NMNAT2: variants seen among roughly 807,000 people sequenced by gnomAD.
NMNAT2 encodes the protein nicotinamide nucleotide adenylyltransferase 2, also known as nicotinamide/nicotinic acid mononucleotide adenylyltransferase 2.
In NMNAT2, 11 loss-of-function variants were observed where a neutral mutation model predicts 41.6. That is an observed-to-expected ratio of 0.26 (90% confidence interval 0.17 to 0.44). The LOEUF (loss-of-function observed/expected upper bound fraction) is 0.44, where lower values mean the gene tolerates loss of function less well. Among genes scored for constraint, NMNAT2 ranks in the 20% least tolerant of loss-of-function variants. NMNAT2 has a pLI of 1.00. For synonymous variants in NMNAT2, 148 were observed against 151.2 expected (o/e 0.98, Z 0.16); for missense variants, 288 against 407.7 (o/e 0.71, Z 2.53).
intron 1 of NMNAT2, among the ~76,000 whole-genome samples, chr1:183,320,003 T>G (rs917676951): frequency 6.6e-6 from 1 of 152,236 alleles, no homozygotes; most frequent in Non-Finnish European, 1.5e-5. Context: ...GCTGTCTCTC[T>G]GGCTGAACTA....
chr1:183,394,881 A>T (rs10797879), intron 1 of NMNAT2, among the ~76,000 whole-genome samples: 38,027 of 152,100 alleles, frequency 0.25, 4,762 homozygotes, highest in South Asian at 0.29. Context: ...GGCAGGAGGC[A>T]GCTCCTCTAG....
chr1:183,317,053 A>G (rs1571594188), intron 1 of NMNAT2, among the ~76,000 whole-genome samples: 1 of 152,156 alleles, frequency 6.6e-6, no homozygotes, highest in African/African-American at 2.4e-5. Flanking sequence ...AAGAGCCCCC[A>G]ATGTCTCTCC....
At chr1:183,367,987 T>C (rs1474217295) in intron 1 of NMNAT2, among the ~76,000 whole-genome samples, 5 of 152,122 alleles carry the variant, frequency 3.3e-5, no homozygotes, top group Non-Finnish European at 7.3e-5. Context: ...AGAGCAAGCA[T>C]CTAGAAACTT....
rs116264470 is a variant in NMNAT2 at position 183,379,625 on chromosome 1, C to G, written c.85+38558G>C. Reference sequence around the variant, plus strand: ...TAGACTTCAGAACAAGGAATATTATCAAGAATAAAAAGAGACATATAAAAA... The same window carrying G: ...TAGACTTCAGAACAAGGAATATTATGAAGAATAAAAAGAGACATATAAAAA... On this transcript the variant is annotated intron_variant, in intron 1 of 10. Transcript: ENST00000287713. 9.0e-3 allele frequency among the ~76,000 whole-genome samples: 1,363 copies of G among 152,140 alleles called. 28 individuals carry two copies. The highest frequency in any genetic ancestry group is 0.031 in the African/African-American group (1,279 of 41,504).
At chr1:183,289,509 C>T (rs1180986456) in intron 4 of NMNAT2, among the ~76,000 whole-genome samples, 1 of 152,214 alleles carries the variant, frequency 6.6e-6, no homozygotes, top group African/African-American at 2.4e-5. Context: ...CTGTGTTCAC[C>T]AAACACTCAC....
intron 8 of NMNAT2, among the ~76,000 whole-genome samples, chr1:183,264,039 G>C (rs1027872059): frequency 6.6e-6 from 1 of 152,066 alleles, no homozygotes; most frequent in African/African-American, 2.4e-5. Context: ...CAGGAGAGAA[G>C]AAAGAATCTA....
intron 3 of NMNAT2, among the ~76,000 whole-genome samples, chr1:183,292,212 C>T (rs1054589323): frequency 6.6e-6 from 1 of 152,234 alleles, no homozygotes; most frequent in African/African-American, 2.4e-5. Flanking sequence ...TTTAATTACA[C>T]TGCAAGCTCA....
intron 1 of NMNAT2, among the ~76,000 whole-genome samples, chr1:183,342,493 A>G (rs1007988967): frequency 6.6e-6 from 1 of 152,156 alleles, no homozygotes; most frequent in Non-Finnish European, 1.5e-5. Context: ...AGACTTTTCT[A>G]AGAAGGAACT....
chr1:183,402,671 TACTC>T (rs1367654068), intron 1 of NMNAT2, among the ~76,000 whole-genome samples: 3 of 152,164 alleles, frequency 2.0e-5, no homozygotes, highest in Non-Finnish European at 2.9e-5. Context: ...TGCTCAGAGT[TACTC>T]ACAACACAGG....
At chr1:183,354,672 C>T (rs1663145250) in intron 1 of NMNAT2, among the ~76,000 whole-genome samples, 1 of 152,152 alleles carries the variant, frequency 6.6e-6, no homozygotes. Context: ...CCACCTCGGC[C>T]TCCGAAAGTG....
At chr1:183,363,245 C>T (rs1202440769) in intron 1 of NMNAT2, among the ~76,000 whole-genome samples, 1 of 152,192 alleles carries the variant, frequency 6.6e-6, no homozygotes, top group Non-Finnish European at 1.5e-5. Flanking sequence ...CTGGCTTCAT[C>T]ACTTAGTTAT....
At chr1:183,408,611 A>G (rs1649027505) in intron 1 of NMNAT2, among the ~76,000 whole-genome samples, 1 of 152,200 alleles carries the variant, frequency 6.6e-6, no homozygotes, top group Admixed American at 6.5e-5. Flanking sequence ...CATTCAGTTT[A>G]TTAGTTTCCA....
chr1:183,272,399 C>G (rs1463104516), intron 8 of NMNAT2, among the ~76,000 whole-genome samples: 2 of 152,148 alleles, frequency 1.3e-5, no homozygotes. Context: ...TCTTGATTTC[C>G]CATACAGCCA....
intron 4 of NMNAT2, 77 bp downstream of exon 4, chr1:183,290,051 C>G (rs1025610739): frequency 1.7e-6 from 2 of 1,196,312 alleles, no homozygotes; most frequent in African/African-American, 3.1e-5. Context: ...CCTCTCCCTG[C>G]CTGGTTTCTG....
intron 1 of NMNAT2, among the ~76,000 whole-genome samples, chr1:183,319,969 A>G (rs1437625054): frequency 1.3e-5 from 2 of 152,206 alleles, no homozygotes; most frequent in Non-Finnish European, 2.9e-5. Context: ...TTCTCTGCCC[A>G]TGGCGGGGAA....
chr1:183,295,912 C>T (rs1449243774), intron 1 of NMNAT2, among the ~76,000 whole-genome samples: 1 of 152,052 alleles, frequency 6.6e-6, no homozygotes, highest in Non-Finnish European at 1.5e-5. Context: ...GCAGTGGCGC[C>T]ATCTCAGCTC....
At chr1:183,305,812 C>G (rs1262914798) in intron 1 of NMNAT2, among the ~76,000 whole-genome samples, 1 of 150,854 alleles carries the variant, frequency 6.6e-6, no homozygotes, top group Admixed American at 6.6e-5. Flanking sequence ...CCTCCACCTT[C>G]CAGGTTCAAG....
intron 1 of NMNAT2, among the ~76,000 whole-genome samples, chr1:183,349,934 C>G (rs664840): frequency 0.015 from 2,346 of 152,188 alleles, 53 homozygotes; most frequent in African/African-American, 0.053. Flanking sequence ...TCTCTCAGGC[C>G]GAAATCAGGA....
In NMNAT2 at chr1:183,252,397, C is replaced by G; in HGVS notation, c.*244G>C. ...CAGTACATCTCCAAGGACTGCACTT[C>G]CCCCGACTCCCACCCCATTCCCTCA... is the stretch of plus-strand genomic sequence containing the variant. On this transcript the variant is annotated 3_prime_UTR_variant, in exon 11 of 11. Transcript: ENST00000287713. 2 of 519,070 alleles carry G rather than the reference C, an allele frequency of 3.9e-6. No homozygotes were observed. The highest frequency in any genetic ancestry group is 4.2e-5 in the South Asian group (2 of 47,814). The allele number at this position is 519,070 out of a possible 1,614,324, so 32.2% of individuals were successfully genotyped here.
Sources: gnomAD v4.1 joint callset for allele counts (sites outside exome capture counted in the v4.1 genomes callset) on GRCh38, gnomAD v4.1.1 for gene constraint, MANE v1.5 for transcripts, NCBI Gene and HGNC (gene_info 2026-07-23, HGNC 2026-07-21) for gene names.